Variants in ZNF880 observed in about 807,000 individuals in gnomAD.
ZNF880 encodes the protein zinc finger protein LOC400713.
Under a neutral mutation model 11.8 loss-of-function variants are expected in ZNF880, and 12 were observed. The ratio of observed to expected loss-of-function variants is 1.02; its 90% CI spans 0.65 to 1.65. The LOEUF (loss-of-function observed/expected upper bound fraction) is 1.65. Ranked by LOEUF, ZNF880 falls within the 40% of genes most tolerant of loss-of-function variation. ZNF880 has a pLI of 0.00. For synonymous variants in ZNF880, 210 were observed against 232.4 expected, an observed-to-expected ratio of 0.90 and a Z score of 0.88; for missense variants, 601 against 673.9, an observed-to-expected ratio of 0.89 and a Z score of 1.20.
chr19:52,392,813 G>T, the ZNF880 span: 1 of 202,362 alleles, frequency 4.9e-6, no homozygotes, highest in Non-Finnish European at 1.2e-5. Context: ...GGGCAGAGTG[G>T]AAGCTGTATA....
intron 1 of ZNF880, among the ~76,000 whole-genome samples, chr19:52,372,577 C>G (rs1387202889): frequency 1.3e-5 from 2 of 150,078 alleles, no homozygotes; most frequent in African/African-American, 4.9e-5. Context: ...TGTGAGCCAC[C>G]GCGCCCGGCC....
chr19:52,368,200 G>A (rs1200235971), upstream of ZNF880, among the ~76,000 whole-genome samples: 3 of 62,996 alleles, frequency 4.8e-5, no homozygotes, highest in East Asian at 2.8e-4. Flanking sequence ...GCAAGGCTCC[G>A]TCTCAAAAAA....
chr19:52,377,376 T>C (rs1373201759), intron 3 of ZNF880, among the ~76,000 whole-genome samples: 1 of 152,164 alleles, frequency 6.6e-6, no homozygotes, highest in Admixed American at 6.6e-5. Flanking sequence ...CAGAGAGCGC[T>C]TCACTTCTGG....
chr19:52,372,539 T>G (rs1488310934), intron 1 of ZNF880, among the ~76,000 whole-genome samples: 1 of 150,122 alleles, frequency 6.7e-6, no homozygotes, highest in Admixed American at 6.6e-5. Context: ...CCACCCGCCT[T>G]GGCCTCCCAA....
downstream of ZNF880, among the ~76,000 whole-genome samples, chr19:52,385,946 C>G (rs985845298): frequency 1.3e-4 from 19 of 142,354 alleles, 1 homozygote; most frequent in Non-Finnish European, 2.4e-4. Context: ...GAGGCTGAGG[C>G]GGGCGGATCA....
At chr19:52,383,221 C>T (rs907505676) in intron 3 of ZNF880, among the ~76,000 whole-genome samples, 1 of 152,070 alleles carries the variant, frequency 6.6e-6, no homozygotes, top group African/African-American at 2.4e-5. Flanking sequence ...TCTTTTTTAG[C>T]TCATTAAGCA....
At chr19:52,381,987 T>C (rs544695666) in intron 3 of ZNF880, among the ~76,000 whole-genome samples, 53 of 152,242 alleles carry the variant, frequency 3.5e-4, no homozygotes, top group African/African-American at 1.3e-3. Context: ...ACATATATAG[T>C]GCTTTTTAAA....
downstream of ZNF880, among the ~76,000 whole-genome samples, chr19:52,388,327 G>C (rs913583754): frequency 1.7e-5 from 2 of 115,226 alleles, no homozygotes; most frequent in Admixed American, 1.1e-4. Flanking sequence ...TCTGTCACCA[G>C]GCTGGAGTGC....
At chr19:52,367,082 A>G (rs1435498209), upstream of ZNF880, 1 of 309,518 alleles carries the variant, frequency 3.2e-6, no homozygotes, top group Non-Finnish European at 5.8e-6. Context: ...GAATGTACAT[A>G]CTTCTCATGT....
the ZNF880 span, among the ~76,000 whole-genome samples, chr19:52,393,578 T>C: frequency 6.6e-6 from 1 of 152,136 alleles, no homozygotes; most frequent in Admixed American, 6.6e-5. Context: ...GTTTTAGCTA[T>C]TTTAGGTGTT....
intron 3 of ZNF880, chr19:52,374,844 C>A: frequency 3.0e-6 from 1 of 334,372 alleles, no homozygotes; most frequent in Non-Finnish European, 5.5e-6. Flanking sequence ...ATATGATCAT[C>A]TCACCTCTGC....
At chr19:52,379,427 G>A (rs1396564013) in intron 3 of ZNF880, 7 of 420,346 alleles carry the variant, frequency 1.7e-5, no homozygotes, top group African/African-American at 4.3e-5. Context: ...ATAGAGTCTC[G>A]CTCTGTCACC....
Position 52,385,491 on chromosome 19 carries a change from T to C in ZNF880, c.*177T>C. On this transcript the variant is annotated 3_prime_UTR_variant, in exon 4 of 4. Coordinates refer to ENST00000422689, the MANE Select transcript of ZNF880 (RefSeq NM_001145434.2). ...ATCATAGCAATGTATGTGAATCAGGTCTCTTGAGGCCTGCCAAATGACTAG... is the reference window on the plus strand; with the variant it reads ...ATCATAGCAATGTATGTGAATCAGGCCTCTTGAGGCCTGCCAAATGACTAG... The C allele has an allele frequency of 2.7e-6, 2 of 729,186 alleles. No homozygotes were observed. Among genetic ancestry groups the C allele is most frequent in the East Asian group, 2.7e-5 (1 of 36,604 alleles). 45.2% of individuals were successfully genotyped at this position (729,186 alleles called of 1,614,324 possible).
intron 1 of ZNF880, among the ~76,000 whole-genome samples, chr19:52,371,472 TTCAAG>T (rs1336798211): frequency 2.6e-4 from 40 of 151,938 alleles, no homozygotes; most frequent in African/African-American, 9.4e-4. Flanking sequence ...GCCTCCCGGG[TTCAAG>T]TGATTGTCCT....
intron 3 of ZNF880, among the ~76,000 whole-genome samples, chr19:52,381,506 A>AT (rs1413782383): frequency 1.3e-5 from 2 of 152,102 alleles, no homozygotes; most frequent in Non-Finnish European, 2.9e-5. Context: ...TGCAGATGGG[A>AT]TTTAGTAAAT....
At chr19:52,388,170 G>GCCT (rs1480824287), downstream of ZNF880, among the ~76,000 whole-genome samples, 1 of 151,054 alleles carries the variant, frequency 6.6e-6, no homozygotes, top group African/African-American at 2.4e-5. Context: ...GAGCCACTGC[G>GCCT]CCTGGCCCAT....
intron 1 of ZNF880, 113 bp downstream of exon 1, chr19:52,370,090 C>A: frequency 1.5e-6 from 2 of 1,349,510 alleles, no homozygotes; most frequent in Non-Finnish European, 2.1e-6. Context: ...CTCCCTCCAC[C>A]CCGACTAAAC....
chr19:52,389,751 C>G (rs112943905), downstream of ZNF880: 1 of 152,292 alleles, frequency 6.6e-6, no homozygotes, highest in African/African-American at 2.4e-5. Context: ...TACTTCTGCA[C>G]TGCTCTAGCA....
upstream of ZNF880, chr19:52,366,871 A>G: frequency 4.6e-6 from 4 of 878,548 alleles, no homozygotes; most frequent in Non-Finnish European, 6.9e-6. Context: ...TTTAGTTTGC[A>G]TTGAAGCCTC....
Sources: gnomAD v4.1 joint callset for allele counts (sites outside exome capture counted in the v4.1 genomes callset) on GRCh38, gnomAD v4.1.1 for gene constraint, MANE v1.5 for transcripts, NCBI Gene and HGNC (gene_info 2026-07-23, HGNC 2026-07-21) for gene names.